PGAP2: variants seen among roughly 807,000 people sequenced by gnomAD.
The protein encoded by PGAP2 is post-GPI attachment to proteins 2, also known as acyltransferase PGAP2.
In PGAP2, 21 loss-of-function variants were observed where a neutral mutation model predicts 33.2. The ratio of observed to expected loss-of-function variants is 0.63; its 90% confidence interval spans 0.45 to 0.91. The LOEUF (loss-of-function observed/expected upper bound fraction) is 0.91, where lower values mean the gene tolerates loss of function less well. Among genes scored for constraint, PGAP2 ranks in the 40% least tolerant of loss-of-function variants. The pLI, the probability that PGAP2 is intolerant of heterozygous loss-of-function variation, is 0.00. For synonymous variants in PGAP2, 161 were observed against 172.9 expected, an observed-to-expected ratio of 0.93 and a Z score of 0.54; for missense variants, 345 against 424.0, an observed-to-expected ratio of 0.81 and a Z score of 1.64.
rs1401078882 is a variant in PGAP2, at chr11:3,797,980, A to G, written c.137A>G (p.His46Arg). ...ATCAGAGGGACGGCCCCAGAATGGC[A>G]TGGTAACTATTCGACCCTTTCCTTG... is the stretch of plus-strand genomic sequence containing the variant. Residue 46 changes from histidine (H) to arginine (R), a missense_variant and splice_region_variant, in exon 1 of 7, where the codon CAT becomes CGT. Coordinates refer to the PGAP2 transcript ENST00000300730. 7 of 1,545,768 alleles carry G rather than the reference A, an allele frequency of 4.5e-6. No individual in the cohort carries two copies. The highest frequency in any genetic ancestry group is 6.1e-6 in the Non-Finnish European group (7 of 1,144,380).
chr11:3,814,752 C>CT (rs774070514), intron 2 of PGAP2, among the ~76,000 whole-genome samples: 19,452 of 72,880 alleles, frequency 0.27, 1,859 homozygotes, highest in East Asian at 0.32. Context: ...TCCTTCTTTT[C>CT]TTTCTTTCTT....
At chr11:3,821,005 G>A (rs547657235) in intron 3 of PGAP2, among the ~76,000 whole-genome samples, 1 of 152,320 alleles carries the variant, frequency 6.6e-6, no homozygotes, top group African/African-American at 2.4e-5. Context: ...CCTCTATGCT[G>A]CCCCTTCACA....
chr11:3,825,556 T>C lies in PGAP2; in HGVS notation c.*98T>C. 7.8e-7 allele frequency: 1 copy of C among 1,283,350 alleles called. No individual in the cohort carries two copies. 79.5% of individuals were successfully genotyped at this position (1,283,350 alleles called of 1,614,324 possible). ...CCCACCCCACATCCTCTCTTGGCCT[T>C]ACTGAAGATGGGGGAAGGGTAAGAA... On this transcript the variant is annotated 3_prime_UTR_variant, in exon 7 of 7. Transcript: ENST00000278243.
At chr11:3,807,992 TAC>T, upstream of PGAP2, 3 of 1,253,028 alleles carry the variant, frequency 2.4e-6, no homozygotes, top group Non-Finnish European at 3.0e-6. Context: ...CTTTCTGCGC[TAC>T]GTAGGACAGG....
At chr11:3,809,674 G>A (rs1435971530) in intron 1 of PGAP2, among the ~76,000 whole-genome samples, 1 of 152,140 alleles carries the variant, frequency 6.6e-6, no homozygotes, top group African/African-American at 2.4e-5. Context: ...CCCCATCTAG[G>A]GCCCTAAGGG....
At chr11:3,821,766 A>G (rs1337727166) in intron 3 of PGAP2, among the ~76,000 whole-genome samples, 1 of 151,810 alleles carries the variant, frequency 6.6e-6, no homozygotes, top group East Asian at 1.9e-4. Context: ...TCAAAAAAAA[A>G]AAAATGCATA....
upstream of PGAP2, chr11:3,808,413 G>T: frequency 6.5e-7 from 1 of 1,545,688 alleles, no homozygotes; most frequent in Non-Finnish European, 8.7e-7. Context: ...GGGCAGACCC[G>T]GGCTGTAAAG....
At chr11:3,804,851 G>A (rs546897984), upstream of PGAP2, among the ~76,000 whole-genome samples, 33 of 152,178 alleles carry the variant, frequency 2.2e-4, 1 homozygote, top group South Asian at 6.0e-3. Flanking sequence ...ACAGGCGCCC[G>A]CCACCAGGCC....
At chr11:3,824,976 C>G in intron 5 of PGAP2, 44 bp from the exon 6 acceptor site, 1 of 1,613,006 alleles carries the variant, frequency 6.2e-7, no homozygotes, top group Non-Finnish European at 8.5e-7. Context: ...CCCACGCTCT[C>G]ATACCCAGCA....
At chr11:3,824,488 T>G in intron 5 of PGAP2, 112 bp downstream of exon 5, 2 of 1,526,762 alleles carry the variant, frequency 1.3e-6, no homozygotes, top group Non-Finnish European at 9.0e-7. Context: ...ATGGGAACCC[T>G]GGCAGAGGGG....
chr11:3,814,937 T>C (rs921313216), intron 2 of PGAP2, among the ~76,000 whole-genome samples: 3 of 150,090 alleles, frequency 2.0e-5, no homozygotes, highest in Admixed American at 6.7e-5. Flanking sequence ...TTTCCTTTCC[T>C]TTCTTTTCTT....
intron 1 of PGAP2, among the ~76,000 whole-genome samples, chr11:3,798,934 C>T (rs887011369): frequency 5.9e-5 from 9 of 152,244 alleles, no homozygotes; most frequent in Non-Finnish European, 1.2e-4. Context: ...TGAGCCACCG[C>T]GCCCAGCCGA....
chr11:3,798,192 C>T, intron 1 of PGAP2: 1 of 1,283,758 alleles, frequency 7.8e-7, no homozygotes. Flanking sequence ...CCAGCACTTT[C>T]TTTCCCTCCC....
chr11:3,817,364 C>A lies in PGAP2; in HGVS notation c.177C>A (p.Cys59Ter). Residue 59 changes from cysteine (C) to a stop codon, truncating the protein, a stop_gained, in exon 3 of 7, where the codon TGC becomes TGA. Transcript: ENST00000278243. LOFTEE classifies it high-confidence loss of function. ...TTATHCGATP[C>*]RMFSAASQPL... ...CTCGTGCTGCTTAGGCCACGCCCTG[C>A]AGGATGTTCTCTGCGGCCTCCCAGC... 6.2e-7 allele frequency: 1 copy of A among 1,612,990 alleles called. No individual in the cohort carries two copies. Among genetic ancestry groups the A allele is most frequent in the Non-Finnish European group, 8.5e-7 (1 of 1,179,184 alleles).
upstream of PGAP2, among the ~76,000 whole-genome samples, chr11:3,806,207 G>T (rs2084311778): frequency 6.6e-6 from 1 of 152,008 alleles, no homozygotes; most frequent in East Asian, 1.9e-4. Flanking sequence ...CAGACAAGGT[G>T]TCAAGATAGG....
chr11:3,811,152 C>T lies in PGAP2; in HGVS notation c.-10-98C>T, dbSNP rs1185879473. On this transcript the variant is annotated intron_variant, in intron 1 of 6. Coordinates refer to ENST00000278243, the MANE Select transcript of PGAP2 (RefSeq NM_014489.4). This position sits in a 1 kb window ranked among gnomAD's most constrained non-coding sequence, Gnocchi z 4.6. ...CCTCCTCAGACTCCCCACCCCACAG[C>T]ACACAGCTAATTTTAGGACTGAGCA... 3 of 1,147,498 alleles carry T rather than the reference C, an allele frequency of 2.6e-6. No homozygotes were observed. The highest frequency in any genetic ancestry group is 3.7e-6 in the Non-Finnish European group (3 of 800,972). 71.1% of individuals were successfully genotyped at this position (1,147,498 alleles called of 1,614,324 possible).
chr11:3,825,109 C>G lies in PGAP2; in HGVS notation c.798C>G (p.Asn266Lys). The G allele has an allele frequency of 6.2e-7, 1 of 1,614,150 alleles. No individual in the cohort carries two copies. Among genetic ancestry groups the G allele is most frequent in the Non-Finnish European group, 8.5e-7 (1 of 1,180,008 alleles). The change falls in exon 6 of 7, where the codon AAC becomes AAG. Residue 266 changes from asparagine to lysine, a missense_variant. Asn to Lys is a moderately conservative substitution (Grantham distance 94). Around this residue, in one of 2 missense-constraint regions of PGAP2, gnomAD observed 311 missense variants for 353.6 expected, o/e 0.88. Transcript: ENST00000278243. Reference sequence around the variant, plus strand: ...CGCTGGCTGTCTACTTTCGGCACAACATGTATTGTGAGGCTGGAGGTGAGG... The same window carrying G: ...CGCTGGCTGTCTACTTTCGGCACAAGATGTATTGTGAGGCTGGAGGTGAGG... ...FSALAVYFRHNMYCEAGVYTI... is the reference protein window; with the variant it reads ...FSALAVYFRHKMYCEAGVYTI...
intron 1 of PGAP2, among the ~76,000 whole-genome samples, chr11:3,801,997 T>G (rs1459146541): frequency 6.6e-6 from 1 of 151,620 alleles, no homozygotes; most frequent in Non-Finnish European, 1.5e-5. Flanking sequence ...GTTCCCATTC[T>G]AAATATTCTA....
chr11:3,824,065 C>G lies in PGAP2; in HGVS notation c.531C>G (p.Asn177Lys). The G allele has an allele frequency of 6.2e-7, 1 of 1,614,230 alleles. No individual in the cohort carries two copies. The highest frequency in any genetic ancestry group is 8.5e-7 in the Non-Finnish European group (1 of 1,180,036). The change falls in exon 4 of 7, where the codon AAC becomes AAG. Residue 177 changes from asparagine (N) to lysine (K), a missense_variant. By Grantham distance (94) the Asn-to-Lys change is moderately conservative. Around this residue, in one of 2 missense-constraint regions of PGAP2, gnomAD observed 311 missense variants for 353.6 expected, o/e 0.88. Coordinates refer to ENST00000278243, the MANE Select transcript of PGAP2 (RefSeq NM_014489.4). Reference sequence around the variant, plus strand: ...GCTATCGCCCGCTCTGCCGCCTCAACTTCGGCCTCAATGTCGTGGAGAACC... The same window carrying G: ...GCTATCGCCCGCTCTGCCGCCTCAAGTTCGGCCTCAATGTCGTGGAGAACC... Reference protein sequence around the residue: ...CSCYRPLCRLNFGLNVVENLA... With the variant: ...CSCYRPLCRLKFGLNVVENLA...
Sources: gnomAD v4.1 joint callset for allele counts (sites outside exome capture counted in the v4.1 genomes callset) on GRCh38, gnomAD v4.1.1 for gene constraint, gnomAD v4.1.1 regional missense constraint, Gnocchi (gnomAD v3.1) non-coding constraint, MANE v1.5 for transcripts, NCBI Gene and HGNC (gene_info 2026-07-23, HGNC 2026-07-21) for gene names.